Variants in FA2H observed in about 807,000 individuals in gnomAD.
FA2H encodes fatty acid 2-hydroxylase.
Under a neutral mutation model 44.9 loss-of-function variants are expected in FA2H, and 22 were observed. The observed-to-expected ratio is 0.49, with a 90% confidence interval of 0.35 to 0.70. The LOEUF (loss-of-function observed/expected upper bound fraction) is 0.70, where lower values mean the gene tolerates loss of function less well. Among genes scored for constraint, FA2H ranks in the 30% least tolerant of loss-of-function variants. FA2H has a pLI of 0.01. For synonymous variants in FA2H, 243 were observed against 213.2 expected, an observed-to-expected ratio of 1.14 and a Z score of -1.22; for missense variants, 501 against 504.9, an observed-to-expected ratio of 0.99 and a Z score of 0.07.
At chr16:74,762,433 C>A (rs566529965) in intron 1 of FA2H, among the ~76,000 whole-genome samples, 1 of 152,206 alleles carries the variant, frequency 6.6e-6, no homozygotes, top group Non-Finnish European at 1.5e-5. Context: ...TGCAACACTG[C>A]GAACTTTAAG....
chr16:74,749,304 G>A (rs933599237), intron 1 of FA2H, among the ~76,000 whole-genome samples: 3 of 152,192 alleles, frequency 2.0e-5, no homozygotes, highest in Non-Finnish European at 2.9e-5. Context: ...GATGCCTGTG[G>A]TGGCCTAAGA....
At chr16:74,769,210 A>G (rs1054399050) in intron 1 of FA2H, among the ~76,000 whole-genome samples, 3 of 152,150 alleles carry the variant, frequency 2.0e-5, no homozygotes, top group Non-Finnish European at 4.4e-5. Context: ...CTCCCACCTC[A>G]GCCTCCCAAG....
intron 6 of FA2H, 139 bp downstream of exon 6, chr16:74,716,208 A>T: frequency 1.1e-6 from 1 of 886,032 alleles, no homozygotes; most frequent in Non-Finnish European, 1.7e-6. Context: ...TGTCTGCACC[A>T]GGGAAGAGAG....
At chr16:74,742,631 C>T (rs927522429) in intron 1 of FA2H, among the ~76,000 whole-genome samples, 2 of 152,010 alleles carry the variant, frequency 1.3e-5, no homozygotes, top group Non-Finnish European at 2.9e-5. Flanking sequence ...GCCAGGAGTT[C>T]GAGACCAGCC....
At chr16:74,745,459 G>A (rs1962400250) in intron 1 of FA2H, among the ~76,000 whole-genome samples, 1 of 152,214 alleles carries the variant, frequency 6.6e-6, no homozygotes, top group South Asian at 2.1e-4. Flanking sequence ...GGGAGGGCAG[G>A]CAGGAAAAGA....
At chr16:74,724,315 C>T (rs1961902694) in intron 4 of FA2H, among the ~76,000 whole-genome samples, 1 of 152,312 alleles carries the variant, frequency 6.6e-6, no homozygotes, top group African/African-American at 2.4e-5. Flanking sequence ...AGCCTGCCTC[C>T]CCTCCTCTCA....
At chr16:74,755,853 CT>C (rs1367538178) in intron 1 of FA2H, among the ~76,000 whole-genome samples, 3 of 151,510 alleles carry the variant, frequency 2.0e-5, no homozygotes, top group African/African-American at 7.3e-5. Context: ...TCTTTTCCCC[CT>C]ACTAAGCGTA....
chr16:74,745,610 G>C (rs1404493650), intron 1 of FA2H, among the ~76,000 whole-genome samples: 1 of 152,198 alleles, frequency 6.6e-6, no homozygotes, highest in Non-Finnish European at 1.5e-5. Context: ...ATGGAGGGTA[G>C]GGAGGGCACT....
chr16:74,759,750 A>T (rs909721356), intron 1 of FA2H, among the ~76,000 whole-genome samples: 2 of 152,138 alleles, frequency 1.3e-5, no homozygotes, highest in African/African-American at 4.8e-5. Flanking sequence ...TGCCTATGGG[A>T]TACTGTCTGG....
Position 74,726,249 on chromosome 16 carries a change from G to A in FA2H, c.589C>T (p.Arg197Ter), listed in dbSNP as rs1463651673. Residue 197 changes from arginine (R) to a stop codon, truncating the protein, a stop_gained, in exon 4 of 7, where the codon CGA (arginine) becomes TGA (stop). Transcript: ENST00000219368. LOFTEE classifies it high-confidence loss of function. ...CCTGTTGTAAATGACGTGAAGAGTCGGACGTTGCCCTGGGCAAAGGTTCGG... is the reference window on the plus strand; with the variant it reads ...CCTGTTGTAAATGACGTGAAGAGTCAGACGTTGCCCTGGGCAAAGGTTCGG... ...YYRTFAQGNV[R>*]LFTSFTTEYT... is the part of the protein sequence containing the mutation. 11 of 1,613,514 alleles carry A rather than the reference G, an allele frequency of 6.8e-6. No homozygotes were observed. Among genetic ancestry groups the A allele is most frequent in the African/African-American group, 2.7e-5 (2 of 74,900 alleles).
chr16:74,754,191 T>C (rs561987438), intron 1 of FA2H, among the ~76,000 whole-genome samples: 2 of 151,638 alleles, frequency 1.3e-5, no homozygotes, highest in East Asian at 1.9e-4. Context: ...AGGTCGGGAG[T>C]TCAAGACCAG....
chr16:74,749,539 G>A (rs1962492755), intron 1 of FA2H, among the ~76,000 whole-genome samples: 1 of 152,210 alleles, frequency 6.6e-6, no homozygotes, highest in Admixed American at 6.5e-5. Context: ...GGGCCCTGGG[G>A]CGTTGACTCT....
Position 74,727,252 on chromosome 16 carries a change from C to T in FA2H, c.498G>A (p.Lys166=). The T allele has an allele frequency of 6.2e-7, 1 of 1,614,114 alleles. No homozygotes were observed. The highest frequency in any genetic ancestry group is 8.5e-7 in the Non-Finnish European group (1 of 1,180,040). Residue 166 remains lysine (K), a synonymous_variant, in exon 3 of 7, where the codon AAG becomes AAA. Coordinates refer to ENST00000219368, the MANE Select transcript of FA2H (RefSeq NM_024306.5). ...FHSDLIEGLS[K]TVWYSVPIIW... ...CTCAGGGAAGAGCTCACCAGACAGTCTTAGAGAGGCCCTCAATGAGGTCTG... is the reference window on the plus strand; with the variant it reads ...CTCAGGGAAGAGCTCACCAGACAGTTTTAGAGAGGCCCTCAATGAGGTCTG...
chr16:74,728,118 C>A (rs1444078315), intron 2 of FA2H, among the ~76,000 whole-genome samples: 1 of 152,058 alleles, frequency 6.6e-6, no homozygotes, highest in Non-Finnish European at 1.5e-5. Flanking sequence ...GCCTCAGTTT[C>A]CCCAGCTATA....
intron 1 of FA2H, among the ~76,000 whole-genome samples, chr16:74,741,796 A>G (rs1328136147): frequency 2.5e-5 from 2 of 78,502 alleles, no homozygotes; most frequent in East Asian, 3.8e-4. Context: ...ATATATATAT[A>G]TATATATATA....
intron 1 of FA2H, among the ~76,000 whole-genome samples, chr16:74,753,610 T>C (rs1402364327): frequency 1.3e-5 from 2 of 151,896 alleles, no homozygotes; most frequent in Non-Finnish European, 2.9e-5. Context: ...GAGTTGGAGG[T>C]TGCAGTGAGC....
intron 1 of FA2H, among the ~76,000 whole-genome samples, chr16:74,745,424 G>C (rs1380700415): frequency 1.3e-5 from 2 of 152,212 alleles, no homozygotes; most frequent in African/African-American, 4.8e-5. Flanking sequence ...CCCTGCCCCA[G>C]GCCTGGAGAG....
intron 4 of FA2H, among the ~76,000 whole-genome samples, chr16:74,724,952 C>T (rs543961200): frequency 1.3e-5 from 2 of 152,322 alleles, no homozygotes; most frequent in African/African-American, 2.4e-5. Context: ...ATCCCCTTCC[C>T]CCTCCGGCTG....
intron 2 of FA2H, among the ~76,000 whole-genome samples, chr16:74,735,507 G>C (rs1756033893): frequency 6.6e-6 from 1 of 152,216 alleles, no homozygotes; most frequent in Admixed American, 6.5e-5. Flanking sequence ...AAAAATGCCA[G>C]AGACACAGGG....
Sources: gnomAD v4.1 joint callset for allele counts (sites outside exome capture counted in the v4.1 genomes callset) on GRCh38, gnomAD v4.1.1 for gene constraint, MANE v1.5 for transcripts, NCBI Gene and HGNC (gene_info 2026-07-23, HGNC 2026-07-21) for gene names.